Variants in SLC39A10 observed in about 807,000 individuals in gnomAD.
SLC39A10 encodes the protein solute carrier family 39 member 10.
A neutral mutation model predicts 65.1 loss-of-function variants in SLC39A10; 13 were observed. The ratio of observed to expected loss-of-function variants is 0.20; its 90% CI spans 0.13 to 0.32. The LOEUF is 0.32. SLC39A10 is among the 10% of genes least tolerant of loss of function. SLC39A10 has a pLI of 1.00. For synonymous variants in SLC39A10, 321 were observed against 342.2 expected, an observed-to-expected ratio of 0.94 and a Z score of 0.68; for missense variants, 831 against 1,018.4, an observed-to-expected ratio of 0.82 and a Z score of 2.50.
chr2:195,710,902 GA>G (rs370017226), intron 5 of SLC39A10, among the ~76,000 whole-genome samples: 34 of 152,278 alleles, frequency 2.2e-4, no homozygotes, highest in African/African-American at 7.9e-4. Flanking sequence ...TGCCAACACA[GA>G]AGGGGCTGCA....
At position 195,708,772 on chromosome 2, in the gene SLC39A10, T is replaced by A; in HGVS notation, c.1503T>A (p.Ala501=). 1 of 1,613,378 alleles carries A rather than the reference T, an allele frequency of 6.2e-7. No homozygotes were observed. Among genetic ancestry groups the A allele is most frequent in the Non-Finnish European group, 8.5e-7 (1 of 1,179,668 alleles). ...EYDAVLKGLV[A]LGGIYLLFII... is the part of the protein sequence containing the mutation. ...ATGCTGTATTGAAAGGACTTGTTGCTCTAGGAGGCATTTACTTGCTATTTA... is the reference window on the plus strand; with the variant it reads ...ATGCTGTATTGAAAGGACTTGTTGCACTAGGAGGCATTTACTTGCTATTTA... Residue 501 remains alanine, a synonymous_variant, in exon 5 of 10, where the codon GCT becomes GCA. Coordinates refer to ENST00000359634, the MANE Select transcript of SLC39A10 (RefSeq NM_020342.3).
At chr2:195,701,180 G>A (rs1691169329) in intron 3 of SLC39A10, among the ~76,000 whole-genome samples, 1 of 151,888 alleles carries the variant, frequency 6.6e-6, no homozygotes, top group Non-Finnish European at 1.5e-5. Flanking sequence ...CAAGTCCACT[G>A]ATACTTCAGC....
At position 195,728,138 on chromosome 2, in the gene SLC39A10, C is replaced by T; in HGVS notation, c.2147-21C>T. 1 of 1,592,026 alleles carries T rather than the reference C, an allele frequency of 6.3e-7. No individual in the cohort carries two copies. Among genetic ancestry groups the T allele is most frequent in the South Asian group, 1.1e-5 (1 of 88,376 alleles). On this transcript the variant is annotated intron_variant, in intron 8 of 9. Transcript: ENST00000359634. This position sits in a 1 kb window ranked among gnomAD's most constrained non-coding sequence, Gnocchi z 4.4. Reference sequence around the variant, plus strand: ...TTAAATCCTGTGGTTTTAAAACATTCCCATTGTTTCTTAATTGCAGGAGAT... The same window carrying T: ...TTAAATCCTGTGGTTTTAAAACATTTCCATTGTTTCTTAATTGCAGGAGAT...
chr2:195,702,420 C>T (rs1412720345), intron 3 of SLC39A10, among the ~76,000 whole-genome samples: 1 of 152,192 alleles, frequency 6.6e-6, no homozygotes, highest in Non-Finnish European at 1.5e-5. Flanking sequence ...TGAAATTGAT[C>T]AGAATTAACC....
chr2:195,665,096 G>T (rs989641736), intron 1 of SLC39A10, among the ~76,000 whole-genome samples: 2 of 152,150 alleles, frequency 1.3e-5, no homozygotes, highest in Non-Finnish European at 2.9e-5. Context: ...GGCTGAGGGG[G>T]GCTGGATCAC....
At chr2:195,729,361 T>C (rs747466135) in intron 9 of SLC39A10, among the ~76,000 whole-genome samples, 3 of 152,182 alleles carry the variant, frequency 2.0e-5, no homozygotes, top group Non-Finnish European at 4.4e-5. Flanking sequence ...TTTCTTTTTG[T>C]TTACAAAGTT....
chr2:195,614,447 T>C (rs992073030), intron 2 of SLC39A10, among the ~76,000 whole-genome samples: 2 of 152,226 alleles, frequency 1.3e-5, no homozygotes, highest in Non-Finnish European at 2.9e-5. Flanking sequence ...CAATATTCAA[T>C]TTCCTGTACA....
chr2:195,723,875 T>A (rs909088698), intron 8 of SLC39A10, among the ~76,000 whole-genome samples: 1 of 152,126 alleles, frequency 6.6e-6, no homozygotes, highest in African/African-American at 2.4e-5. Context: ...TATACCTCTG[T>A]AACAATCCTG....
intron 3 of SLC39A10, among the ~76,000 whole-genome samples, chr2:195,702,278 G>A (rs1461665497): frequency 6.6e-6 from 1 of 152,102 alleles, no homozygotes; most frequent in Non-Finnish European, 1.5e-5. Context: ...AATATTTGGG[G>A]AGCAAAATAC....
chr2:195,638,113 C>G (rs1425407649), intron 2 of SLC39A10, among the ~76,000 whole-genome samples: 1 of 152,030 alleles, frequency 6.6e-6, no homozygotes, highest in African/African-American at 2.4e-5. Context: ...TAAAATTTGC[C>G]AAGTAAGAGG....
Position 195,680,246 on chromosome 2 carries a change from T to C in SLC39A10, c.204T>C (p.Phe68=). Residue 68 remains phenylalanine (F), a synonymous_variant, in exon 2 of 10, where the codon TTT becomes TTC. Coordinates refer to ENST00000359634, the MANE Select transcript of SLC39A10 (RefSeq NM_020342.3). ...NEKKYYIEKL[F]ERYGENGRLS... ...AAAAATACTATATTGAAAAACTTTT[T>C]GAGCGTTATGGTGAAAATGGAAGAT... 6.2e-7 allele frequency: 1 copy of C among 1,613,792 alleles called. No homozygotes were observed.
At chr2:195,674,570 C>G (rs768526589) in intron 1 of SLC39A10, 11 of 985,356 alleles carry the variant, frequency 1.1e-5, no homozygotes, top group Non-Finnish European at 1.3e-5. Context: ...AACCACTGCA[C>G]CCGGCCTGCT....
chr2:195,681,112 A>T, intron 2 of SLC39A10, 62 bp downstream of exon 2: 1 of 1,486,020 alleles, frequency 6.7e-7, no homozygotes. Flanking sequence ...GGTGCATTTT[A>T]AAAACAGGAT....
At chr2:195,657,371 G>A in intron 1 of SLC39A10, 90 bp downstream of exon 1, 2 of 984,832 alleles carry the variant, frequency 2.0e-6, no homozygotes, top group Non-Finnish European at 2.4e-6. Context: ...ACGGCGTGGG[G>A]GTAGAAAGGG....
rs528514910 is a variant in SLC39A10, at chr2:195,708,751, T to C, written c.1482T>C (p.Ala494=). The change falls in exon 5 of 10, where the codon GCT becomes GCC. Residue 494 remains alanine (A), a synonymous_variant. Transcript: ENST00000359634. ...ACAAGTTTTTGGAAGAATATGATGC[T>C]GTATTGAAAGGACTTGTTGCTCTAG... ...ESNKFLEEYD[A]VLKGLVALGG... 1.1e-5 allele frequency: 18 copies of C among 1,613,258 alleles called. No homozygotes were observed. The South Asian group carries it at 1.3e-4, about 12-fold the overall frequency.
chr2:195,621,707 A>G (rs1688351749), intron 2 of SLC39A10, among the ~76,000 whole-genome samples: 1 of 152,262 alleles, frequency 6.6e-6, no homozygotes, highest in Admixed American at 6.5e-5. Flanking sequence ...TCACTAATTC[A>G]GAGATTTGCA....
At chr2:195,714,816 G>C (rs1691729166) in intron 6 of SLC39A10, among the ~76,000 whole-genome samples, 1 of 152,110 alleles carries the variant, frequency 6.6e-6, no homozygotes, top group Non-Finnish European at 1.5e-5. Flanking sequence ...GCAGTGGCGT[G>C]ATCTTGGCTC....
chr2:195,685,625 G>C (rs902339653), intron 3 of SLC39A10, among the ~76,000 whole-genome samples: 3 of 152,006 alleles, frequency 2.0e-5, no homozygotes, highest in African/African-American at 7.2e-5. Flanking sequence ...CCTGACTGAC[G>C]ACTACGATTC....
intron 2 of SLC39A10, among the ~76,000 whole-genome samples, chr2:195,630,958 G>A (rs1688572190): frequency 6.6e-6 from 1 of 152,194 alleles, no homozygotes; most frequent in African/African-American, 2.4e-5. Context: ...GGAGGCCGAG[G>A]CAGGTGGATC....
Sources: allele counts gnomAD v4.1 joint callset (sites outside exome capture counted in the v4.1 genomes callset), GRCh38; gene constraint gnomAD v4.1.1; non-coding constraint Gnocchi (gnomAD v3.1); transcripts MANE v1.5; gene names NCBI Gene and HGNC (gene_info 2026-07-23, HGNC 2026-07-21).